The following KCNIP4 variants were observed in gnomAD, a reference collection of about 807,000 sequenced individuals.
KCNIP4 encodes Kv channel-interacting protein 4.
KCNIP4 carries 12 observed loss-of-function variants against 34.0 expected under a neutral mutation model. The observed-to-expected ratio is 0.35, with a 90% CI of 0.23 to 0.57. KCNIP4 has a LOEUF of 0.57. KCNIP4 is among the 20% of genes least tolerant of loss of function. KCNIP4 has a pLI of 0.83. For missense variants in KCNIP4, 238 were observed against 311.7 expected (o/e 0.76, Z 1.78); for synonymous variants, 124 against 102.2 (o/e 1.21, Z -1.29).
chr4:21,125,629 G>T (rs116361883), intron 1 of KCNIP4, among the ~76,000 whole-genome samples: 1 of 152,088 alleles, frequency 6.6e-6, no homozygotes, highest in Admixed American at 6.5e-5. Context: ...GTGACCGCAC[G>T]TTGGGAACCA....
Position 21,370,844 on chromosome 4 carries a change from TATATATAC to T in KCNIP4, c.62-488143_62-488136del, listed in dbSNP as rs1474257509. Among the ~76,000 whole-genome samples the T allele has an allele frequency of 5.4e-4, 14 of 25,908 alleles. 1 individual carries two copies. The highest frequency in any genetic ancestry group is 1.4e-3 in the African/African-American group (6 of 4,222). The allele number at this position is 25,908 out of a possible 152,430, so 17.0% of individuals were successfully genotyped here. On this transcript the variant is annotated intron_variant, in intron 1 of 8. Coordinates refer to ENST00000382152, the MANE Select transcript of KCNIP4 (RefSeq NM_025221.6). The stretch of plus-strand genomic sequence containing the variant: ...ATATATATATATATATATATATATA[TATATATAC>T]ACACACACACACACACACACACACA...
chr4:21,241,478 A>G (rs746499238), intron 1 of KCNIP4, among the ~76,000 whole-genome samples: 1 of 152,154 alleles, frequency 6.6e-6, no homozygotes, highest in Non-Finnish European at 1.5e-5. Flanking sequence ...TGGCTGAGTC[A>G]CCAGGTAAGG....
chr4:21,715,801 C>T (rs1714332182), intron 1 of KCNIP4, among the ~76,000 whole-genome samples: 1 of 152,140 alleles, frequency 6.6e-6, no homozygotes, highest in South Asian at 2.1e-4. Flanking sequence ...AATTAATTTG[C>T]TTTCTTCCTG....
intron 1 of KCNIP4, among the ~76,000 whole-genome samples, chr4:20,999,377 T>C (rs940980749): frequency 6.6e-5 from 10 of 150,418 alleles, no homozygotes. Context: ...GAAGGGTCTT[T>C]AGAGCACCCA....
At chr4:21,752,880 T>C (rs1023633767) in intron 1 of KCNIP4, among the ~76,000 whole-genome samples, 2 of 152,326 alleles carry the variant, frequency 1.3e-5, no homozygotes, top group Admixed American at 6.5e-5. Flanking sequence ...AAATTTTTCA[T>C]TGAGCTATCA....
chr4:21,110,801 C>T (rs77312715), intron 1 of KCNIP4, among the ~76,000 whole-genome samples: 21,757 of 152,180 alleles, frequency 0.14, 1,771 homozygotes, highest in East Asian at 0.23. Context: ...TGGATCATGA[C>T]GCAGGCCCTT....
At chr4:21,258,075 TA>T (rs941828167) in intron 1 of KCNIP4, among the ~76,000 whole-genome samples, 2 of 152,070 alleles carry the variant, frequency 1.3e-5, no homozygotes, top group East Asian at 1.9e-4. Flanking sequence ...AGCAGAACTT[TA>T]AAAAAAATTA....
chr4:20,953,880 C>T (rs369417467), intron 1 of KCNIP4, among the ~76,000 whole-genome samples: 1 of 152,148 alleles, frequency 6.6e-6, no homozygotes, highest in South Asian at 2.1e-4. Flanking sequence ...TCTTCTTCTT[C>T]TCCTAGAAAT....
intron 1 of KCNIP4, among the ~76,000 whole-genome samples, chr4:20,947,888 G>A (rs1732359278): frequency 6.6e-6 from 1 of 152,180 alleles, no homozygotes; most frequent in Non-Finnish European, 1.5e-5. Context: ...GGTGGGAAAT[G>A]TTCTCAGTAA....
chr4:21,021,878 T>TAGTATAGTATAGTAC (rs1740092799), intron 1 of KCNIP4, among the ~76,000 whole-genome samples: 1 of 151,502 alleles, frequency 6.6e-6, no homozygotes, highest in Non-Finnish European at 1.5e-5. Flanking sequence ...TAGTATAGTA[T>TAGTATAGTATAGTAC]AGTATAGTAT....
intron 1 of KCNIP4, among the ~76,000 whole-genome samples, chr4:21,118,468 C>T (rs1419928807): frequency 3.9e-5 from 6 of 152,200 alleles, no homozygotes; most frequent in Non-Finnish European, 7.3e-5. Flanking sequence ...AACCTCCAAT[C>T]AGGGCACTCC....
chr4:21,723,033 C>T (rs1714933953), intron 1 of KCNIP4, among the ~76,000 whole-genome samples: 2 of 152,096 alleles, frequency 1.3e-5, no homozygotes, highest in African/African-American at 4.8e-5. Context: ...TCTACCTAGA[C>T]ATTTGTTTTA....
intron 1 of KCNIP4, among the ~76,000 whole-genome samples, chr4:21,870,090 T>G (rs954088557): frequency 2.6e-5 from 4 of 152,148 alleles, no homozygotes; most frequent in Non-Finnish European, 5.9e-5. Flanking sequence ...CTGTTCCCTT[T>G]GTAAGAAGCC....
At chr4:21,708,718 C>CAGCTTTA (rs1375130487) in intron 1 of KCNIP4, among the ~76,000 whole-genome samples, 2 of 152,074 alleles carry the variant, frequency 1.3e-5, no homozygotes, top group African/African-American at 4.8e-5. Context: ...ATATCAAAGG[C>CAGCTTTA]AATCAATAGG....
intron 2 of KCNIP4, among the ~76,000 whole-genome samples, chr4:20,867,376 C>T (rs1405078231): frequency 6.6e-6 from 1 of 151,980 alleles, no homozygotes; most frequent in Non-Finnish European, 1.5e-5. Context: ...AGTCACACGC[C>T]TACCACCGTC....
intron 1 of KCNIP4, among the ~76,000 whole-genome samples, chr4:21,110,677 G>A (rs1001155289): frequency 3.3e-5 from 5 of 152,148 alleles, no homozygotes; most frequent in Admixed American, 3.3e-4. Flanking sequence ...GCATTAGGAG[G>A]TGAGGGTCTT....
chr4:21,182,878 A>G (rs1034009775), intron 1 of KCNIP4, among the ~76,000 whole-genome samples: 1 of 152,146 alleles, frequency 6.6e-6, no homozygotes, highest in South Asian at 2.1e-4. Context: ...TGTACTGAGA[A>G]CATTAAAAAT....
In KCNIP4 at chr4:21,291,944, A is replaced by G. The variant is rs28474766; in HGVS notation, c.62-409235T>C. Among the ~76,000 whole-genome samples the G allele has an allele frequency of 1.3e-4, 12 of 94,324 alleles. 3 individuals carry two copies. The highest frequency in any genetic ancestry group is 8.8e-4 in the African/African-American group (12 of 13,680). The allele number at this position is 94,324 out of a possible 152,430, so 61.9% of individuals were successfully genotyped here. On this transcript the variant is annotated intron_variant, in intron 1 of 8. Transcript: ENST00000382152. ...GAAAGAAAGAAAGAAAGAAAAAAAA[A>G]GAAAAAAGTCTGATGAATAAATCTT...
At chr4:21,151,339 C>T (rs1039644148) in intron 1 of KCNIP4, among the ~76,000 whole-genome samples, 6 of 151,224 alleles carry the variant, frequency 4.0e-5, no homozygotes, top group Non-Finnish European at 7.4e-5. Context: ...CAGGCCTTTA[C>T]CTCCCTTAGT....
Sources: gnomAD v4.1 joint callset for allele counts (sites outside exome capture counted in the v4.1 genomes callset) on GRCh38, gnomAD v4.1.1 for gene constraint, MANE v1.5 for transcripts, NCBI Gene and HGNC (gene_info 2026-07-23, HGNC 2026-07-21) for gene names.